APOL3: variants seen among roughly 807,000 people sequenced by gnomAD.
The protein encoded by APOL3 is TNF-inducible protein CG12-1.
A neutral mutation model predicts 11.6 loss-of-function variants in APOL3; 14 were observed. The ratio of observed to expected loss-of-function variants is 1.21; its 90% CI spans 0.80 to 1.89. The LOEUF is 1.89. Among genes scored for constraint, APOL3 ranks in the 40% most tolerant of loss-of-function variants. APOL3 has a pLI of 0.00. For synonymous variants in APOL3, 192 were observed against 190.6 expected (o/e 1.01, Z -0.06); for missense variants, 483 against 492.1 (o/e 0.98, Z 0.17).
chr22:36,153,113 G>GA (rs1316267124), intron 1 of APOL3, among the ~76,000 whole-genome samples: 2,199 of 148,218 alleles, frequency 0.015, 43 homozygotes, highest in African/African-American at 0.052. Context: ...TTCTGTCTCA[G>GA]AAAATAAAAA....
chr22:36,162,606 T>C (rs545415291), upstream of APOL3, among the ~76,000 whole-genome samples: 1 of 152,274 alleles, frequency 6.6e-6, no homozygotes, highest in Non-Finnish European at 1.5e-5. Context: ...GGGGCTGACT[T>C]CACTTCACAG....
chr22:36,153,740 T>C (rs2012230827), intron 1 of APOL3, among the ~76,000 whole-genome samples: 1 of 152,206 alleles, frequency 6.6e-6, no homozygotes, highest in Non-Finnish European at 1.5e-5. Flanking sequence ...ATTTAGAAAG[T>C]TTATTTTGCC....
chr22:36,149,054 A>G, intron 1 of APOL3: 2 of 1,368,524 alleles, frequency 1.5e-6, no homozygotes. Context: ...ACCTGAGTCC[A>G]TGGTGCCAGC....
intron 1 of APOL3, chr22:36,156,858 C>A: frequency 2.3e-6 from 1 of 441,086 alleles, no homozygotes; most frequent in South Asian, 1.6e-5. Flanking sequence ...GTGGCCTCTG[C>A]CCTCCGTGGC....
intron 1 of APOL3, chr22:36,149,656 A>C (rs1164596276): frequency 5.6e-6 from 2 of 359,242 alleles, no homozygotes; most frequent in Non-Finnish European, 1.1e-5. Flanking sequence ...AATGTTAAGC[A>C]ACCTTGCCAT....
exon 3 of APOL3, chr22:36,141,722 C>A (rs146525352): frequency 1.9e-6 from 3 of 1,614,028 alleles, no homozygotes; most frequent in East Asian, 2.2e-5. Context: ...TCACAGCAGA[C>A]GCTGCTCCCA....
intron 1 of APOL3, 92 bp from the exon 2 acceptor site, chr22:36,149,234 C>A: frequency 7.7e-7 from 1 of 1,306,836 alleles, no homozygotes; most frequent in African/African-American, 1.5e-5. Context: ...AATCCCTTTG[C>A]GTGTCAGCAA....
intron 1 of APOL3, chr22:36,156,857 G>T (rs1370575097): frequency 2.3e-6 from 1 of 440,842 alleles, no homozygotes; most frequent in Non-Finnish European, 4.6e-6. Context: ...GGTGGCCTCT[G>T]CCCTCCGTGG....
chr22:36,142,134 A>G (rs981313962), intron 2 of APOL3, 76 bp from the exon 4 acceptor site: 1 of 1,454,108 alleles, frequency 6.9e-7, no homozygotes, highest in African/African-American at 1.4e-5. Context: ...GATCTGTTCT[A>G]CATAAATCAC....
At chr22:36,165,649 A>G (rs1260782647), upstream of APOL3, 1 of 152,134 alleles carries the variant, frequency 6.6e-6, no homozygotes, top group African/African-American at 2.4e-5. Flanking sequence ...AAAACTCCAA[A>G]TGATTCTACA....
upstream of APOL3, chr22:36,165,691 A>G (rs2013842330): frequency 6.6e-6 from 1 of 152,148 alleles, no homozygotes; most frequent in Non-Finnish European, 1.5e-5. Flanking sequence ...ACCATGTCTG[A>G]TATCTACGTG....
upstream of APOL3, chr22:36,161,069 A>G (rs2013668021): frequency 3.2e-6 from 2 of 618,524 alleles, no homozygotes; most frequent in Non-Finnish European, 5.7e-6. Flanking sequence ...CCCCACCCCC[A>G]ATAACACCAC....
At chr22:36,163,518 T>A (rs192708356), upstream of APOL3, among the ~76,000 whole-genome samples, 1 of 152,240 alleles carries the variant, frequency 6.6e-6, no homozygotes, top group Non-Finnish European at 1.5e-5. Flanking sequence ...GCTTCATTTC[T>A]TTTCTTTCTT....
chr22:36,162,718 A>C (rs565033579), upstream of APOL3, among the ~76,000 whole-genome samples: 1 of 152,340 alleles, frequency 6.6e-6, no homozygotes, highest in African/African-American at 2.4e-5. Context: ...GCTCACTCTC[A>C]GAAGAACTGA....
chr22:36,150,753 C>T (rs2060402288), intron 1 of APOL3, among the ~76,000 whole-genome samples: 1 of 152,132 alleles, frequency 6.6e-6, no homozygotes, highest in South Asian at 2.1e-4. Flanking sequence ...GGCGTGGTGG[C>T]GTGTGCCTGT....
chr22:36,145,980 T>C (rs113941631), intron 1 of APOL3, among the ~76,000 whole-genome samples: 1,435 of 118,556 alleles, frequency 0.012, 18 homozygotes, highest in African/African-American at 0.033. Context: ...CTGTCTCTCT[T>C]TCTCTCTCTC....
chr22:36,145,724 G>A (rs2060174804), intron 1 of APOL3, 125 bp from the exon 3 acceptor site: 2 of 1,201,464 alleles, frequency 1.7e-6, no homozygotes, highest in Admixed American at 2.2e-5. Flanking sequence ...TTTGATGGAG[G>A]CATCAGTGCT....
intron 1 of APOL3, among the ~76,000 whole-genome samples, chr22:36,151,454 A>C (rs937941193): frequency 6.6e-6 from 1 of 152,210 alleles, no homozygotes; most frequent in African/African-American, 2.4e-5. Flanking sequence ...ATGTACTGAA[A>C]AGGAACAAAG....
At chr22:36,163,267 G>A (rs1232690421), upstream of APOL3, among the ~76,000 whole-genome samples, 1 of 152,178 alleles carries the variant, frequency 6.6e-6, no homozygotes, top group Non-Finnish European at 1.5e-5. Flanking sequence ...GATTAAGAGA[G>A]CCGATTGGGA....
Sources: gnomAD v4.1 joint callset for allele counts (sites outside exome capture counted in the v4.1 genomes callset) on GRCh38, gnomAD v4.1.1 for gene constraint, MANE v1.5 for transcripts, NCBI Gene and HGNC (gene_info 2026-07-23, HGNC 2026-07-21) for gene names.